The following TCF20 variants were observed in gnomAD, a reference collection of about 807,000 sequenced individuals.
TCF20 encodes the protein SPRE-binding protein.
Under a neutral mutation model 148.6 loss-of-function variants are expected in TCF20, and 3 were observed. The observed-to-expected ratio is 0.02, with a 90% CI of 0.01 to 0.05. The LOEUF is 0.05. Ranked by LOEUF, TCF20 falls within the 10% of genes least tolerant of loss-of-function variation. The pLI is 1.00. For missense variants in TCF20, 2,350 were observed against 2,429.3 expected (o/e 0.97, Z 0.69); for synonymous variants, 1,049 against 909.5 (o/e 1.15, Z -2.76).
At chr22:42,241,166 G>A (rs942609357) in intron 1 of TCF20, among the ~76,000 whole-genome samples, 1 of 152,138 alleles carries the variant, frequency 6.6e-6, no homozygotes, top group African/African-American at 2.4e-5. Context: ...GCTTCAACTT[G>A]TATTAAAATG....
intron 1 of TCF20, among the ~76,000 whole-genome samples, chr22:42,324,413 C>CCTCCACCATTCCAGAAAATAAT (rs1466594312): frequency 6.6e-6 from 1 of 151,938 alleles, no homozygotes; most frequent in African/African-American, 2.4e-5. Context: ...AAGAAAATAA[C>CCTCCACCATTCCAGAAAATAAT]CTCCACCATT....
At chr22:42,197,980 T>G (rs1937692718) in intron 2 of TCF20, among the ~76,000 whole-genome samples, 1 of 152,146 alleles carries the variant, frequency 6.6e-6, no homozygotes, top group Non-Finnish European at 1.5e-5. Context: ...TCAAAAACCA[T>G]AACAATGTTG....
chr22:42,219,375 A>AAAAAAAAAAAAAAAAAAAAAAAAAAC, intron 1 of TCF20, among the ~76,000 whole-genome samples: 1 of 147,914 alleles, frequency 6.8e-6, no homozygotes, highest in African/African-American at 2.5e-5. Context: ...AAAAAAAAAA[A>AAAAAAAAAAAAAAAAAAAAAAAAAAC]AAAAAAGCTA....
chr22:42,316,662 T>TCC (rs10691374), intron 1 of TCF20, among the ~76,000 whole-genome samples: 86,572 of 151,324 alleles, frequency 0.57, 25,693 homozygotes, highest in African/African-American at 0.74. Flanking sequence ...GGTCCTGAAC[T>TCC]TGACTTCAAG....
chr22:42,322,821 T>C (rs1398891581), intron 1 of TCF20, among the ~76,000 whole-genome samples: 1 of 132,164 alleles, frequency 7.6e-6, no homozygotes. Flanking sequence ...TGAATGTGCC[T>C]CCTGGCAGTG....
chr22:42,169,511 A>G (rs1049206320), intron 4 of TCF20, among the ~76,000 whole-genome samples: 2 of 152,166 alleles, frequency 1.3e-5, no homozygotes, highest in African/African-American at 2.4e-5. Context: ...CCAAACGCCA[A>G]CCTGTGAATT....
intron 1 of TCF20, among the ~76,000 whole-genome samples, chr22:42,236,613 C>T (rs1247915961): frequency 6.6e-6 from 1 of 152,122 alleles, no homozygotes. Context: ...TAGCAAACAC[C>T]CTAACCCCAG....
At chr22:42,316,408 G>A (rs550689108) in intron 1 of TCF20, among the ~76,000 whole-genome samples, 24 of 152,264 alleles carry the variant, frequency 1.6e-4, no homozygotes, top group African/African-American at 5.1e-4. Context: ...GGCCTTCCCT[G>A]CACCCATGCA....
intron 2 of TCF20, among the ~76,000 whole-genome samples, chr22:42,197,846 G>T (rs899286577): frequency 6.6e-6 from 1 of 152,224 alleles, no homozygotes; most frequent in Admixed American, 6.5e-5. Context: ...TAAATGAAAA[G>T]GAACTAAAAG....
intron 1 of TCF20, among the ~76,000 whole-genome samples, chr22:42,329,527 C>G (rs372673384): frequency 6.6e-6 from 1 of 152,216 alleles, no homozygotes; most frequent in Non-Finnish European, 1.5e-5. Context: ...CGAGCCAGAA[C>G]GTGGGCTTTG....
intron 1 of TCF20, among the ~76,000 whole-genome samples, chr22:42,259,844 G>A (rs1925935867): frequency 6.6e-6 from 1 of 152,184 alleles, no homozygotes; most frequent in Non-Finnish European, 1.5e-5. Context: ...AAAAGGACAA[G>A]ATAAATTCAG....
At chr22:42,268,994 C>G (rs1290759152) in intron 1 of TCF20, among the ~76,000 whole-genome samples, 1 of 152,186 alleles carries the variant, frequency 6.6e-6, no homozygotes, top group Non-Finnish European at 1.5e-5. Context: ...AACCCCTGTA[C>G]CGTCTGACCC....
chr22:42,300,941 T>C (rs1313561145), intron 1 of TCF20, among the ~76,000 whole-genome samples: 1 of 152,036 alleles, frequency 6.6e-6, no homozygotes, highest in African/African-American at 2.4e-5. Flanking sequence ...TGAGTCAGCC[T>C]TAACCCCACC....
At chr22:42,289,073 G>A (rs1036390947) in intron 1 of TCF20, among the ~76,000 whole-genome samples, 3 of 152,184 alleles carry the variant, frequency 2.0e-5, no homozygotes, top group Admixed American at 1.3e-4. Context: ...GGCGGGGGCC[G>A]ATGACTGGGA....
Position 42,279,609 on chromosome 22 carries a change from A to ACAGGGCT in TCF20, c.-37+4217_-37+4218insAGCCCTG, listed in dbSNP as rs58082119. On this transcript the variant is annotated intron_variant, in intron 1 of 5. Transcript: ENST00000359486. The surrounding 1 kb of genome is among the most constrained non-coding windows in gnomAD (Gnocchi z 4.3). ...ACCCCCGAGTGAGGGCTGCAGGCACACAGTGACTGCGCTTCTCAGTGCCAC... is the reference window on the plus strand; with the variant it reads ...ACCCCCGAGTGAGGGCTGCAGGCACACAGGGCTCAGTGACTGCGCTTCTCAGTGCCAC... Among the ~76,000 whole-genome samples, 910 of 152,342 alleles carry ACAGGGCT rather than the reference A, an allele frequency of 6.0e-3. 3 individuals are homozygous for ACAGGGCT. The highest frequency in any genetic ancestry group is 0.016 in the African/African-American group (660 of 41,576).
rs762509400 is a variant in TCF20, at chr22:42,211,999, C to T, written c.3307G>A (p.Gly1103Ser). The change falls in exon 2 of 6, where the codon GGT becomes AGT. Residue 1103 changes from glycine (G) to serine (S), a missense_variant. Physicochemically the swap from Gly to Ser is moderately conservative, Grantham distance 56 (BLOSUM62 0). Around this residue, in one of 7 missense-constraint regions of TCF20, gnomAD observed 1,641 missense variants for 1,662.6 expected, o/e 0.99. Transcript: ENST00000677622. The stretch of plus-strand genomic sequence containing the variant: ...GCAGCAATTACTCCCTGAGCAGAAC[C>T]GCTGCTCCAGTCTTTATACTCCTCT... ...QPEEYKDWSS[G>S]SAQGVIAAAQ... is the part of the protein sequence containing the mutation. 1.9e-5 allele frequency: 30 copies of T among 1,614,032 alleles called. No homozygotes were observed. In the South Asian group the frequency reaches 1.9e-4, roughly 10 times the overall value.
intron 1 of TCF20, among the ~76,000 whole-genome samples, chr22:42,222,033 C>T (rs954867844): frequency 2.0e-5 from 3 of 152,010 alleles, no homozygotes; most frequent in Non-Finnish European, 4.4e-5. Flanking sequence ...CCACCGCGCC[C>T]GGCCCCATAT....
At chr22:42,285,665 G>A (rs1313583808), upstream of TCF20, among the ~76,000 whole-genome samples, 2 of 151,842 alleles carry the variant, frequency 1.3e-5, no homozygotes, top group African/African-American at 4.8e-5. The surrounding 1 kb of genome is among the most constrained non-coding windows in gnomAD (Gnocchi z 4.2). Flanking sequence ...TAGGGATAGG[G>A]TCTCACTATG....
rs1921033141 is a variant in TCF20 at position 42,212,280 on chromosome 22, T to G, written c.3026A>C (p.Tyr1009Ser). The G allele has an allele frequency of 1.2e-6, 2 of 1,614,158 alleles. No homozygotes were observed. Among genetic ancestry groups the G allele is most frequent in the Non-Finnish European group, 1.7e-6 (2 of 1,180,016 alleles). The part of the protein sequence containing the change: ...EGMRGRSPSQ[Y>S]HDFAEKLKMS... ...TTTCAATTTTTCTGCAAAGTCATGA[T>G]ATTGAGAAGGGGACCGACCCCTCAT... Residue 1009 changes from tyrosine (Y) to serine (S), a missense_variant, in exon 2 of 6, where the codon TAT becomes TCT. Transcript: ENST00000677622.
Sources: gnomAD v4.1 joint callset for allele counts (sites outside exome capture counted in the v4.1 genomes callset) on GRCh38, gnomAD v4.1.1 for gene constraint, gnomAD v4.1.1 regional missense constraint, Gnocchi (gnomAD v3.1) non-coding constraint, MANE v1.5 for transcripts, NCBI Gene and HGNC (gene_info 2026-07-23, HGNC 2026-07-21) for gene names.